PLXNA4: variants seen among roughly 807,000 people sequenced by gnomAD.
PLXNA4 encodes plexin-A4.
In PLXNA4, 44 loss-of-function variants were observed where a neutral mutation model predicts 191.8. That is an observed-to-expected ratio of 0.23 (90% CI 0.18 to 0.29). The LOEUF is 0.29. Ranked by LOEUF, PLXNA4 falls within the 10% of genes least tolerant of loss-of-function variation. The pLI is 1.00. For missense variants in PLXNA4, 1,800 were observed against 2,488.8 expected, an observed-to-expected ratio of 0.72 and a Z score of 5.89; for synonymous variants, 1,082 against 1,009.5, an observed-to-expected ratio of 1.07 and a Z score of -1.36.
rs1278323475 is a variant in PLXNA4, at chr7:132,561,558, T to TCTC, written c.-87+14861_-87+14863dup. ...TTCTCCTCCTCCTTCTCCTCCTCCTTCTCCTCCTCCTTTCCCCTCCTCCTC... is the reference window on the plus strand; with the variant it reads ...TTCTCCTCCTCCTTCTCCTCCTCCTTCTCCTCCTCCTCCTTTCCCCTCCTCCTC... On this transcript the variant is annotated intron_variant, in intron 1 of 31. Transcript: ENST00000321063. 5.9e-3 allele frequency among the ~76,000 whole-genome samples: 416 copies of TCTC among 70,538 alleles called. 6 individuals are homozygous for TCTC. The highest frequency in any genetic ancestry group is 0.019 in the Middle Eastern group (1 of 52). The allele number at this position is 70,538 out of a possible 152,430, so 46.3% of individuals were successfully genotyped here. A position where few individuals can be genotyped will look rare whatever the true frequency, so the allele number is the denominator to read the frequency against.
upstream of PLXNA4, chr7:132,576,589 G>T: frequency 1.0e-6 from 1 of 986,090 alleles, no homozygotes. This position sits in a 1 kb window ranked among gnomAD's most constrained non-coding sequence, Gnocchi z 5.8. Flanking sequence ...GCACAGGGAA[G>T]CCGGGAGCAG....
intron 14 of PLXNA4, among the ~76,000 whole-genome samples, chr7:132,191,734 T>C (rs183453977): frequency 6.7e-6 from 1 of 149,254 alleles, no homozygotes; most frequent in Non-Finnish European, 1.5e-5. Flanking sequence ...TTGCCCAATT[T>C]TAGCAAATAC....
At chr7:132,310,920 G>A (rs192764257) in intron 3 of PLXNA4, among the ~76,000 whole-genome samples, 2 of 152,330 alleles carry the variant, frequency 1.3e-5, no homozygotes, top group African/African-American at 4.8e-5. Flanking sequence ...TTCCCAGAAG[G>A]TGGAGGATGC....
At chr7:132,392,236 C>A (rs1221347915) in intron 3 of PLXNA4, among the ~76,000 whole-genome samples, 1 of 152,188 alleles carries the variant, frequency 6.6e-6, no homozygotes, top group Non-Finnish European at 1.5e-5. Context: ...AGGGCAGCAT[C>A]TATGTGCCAA....
At chr7:132,497,114 G>GCACT (rs1257499877) in intron 2 of PLXNA4, among the ~76,000 whole-genome samples, 2 of 72,986 alleles carry the variant, frequency 2.7e-5, no homozygotes, top group Non-Finnish European at 6.3e-5. Context: ...GCACACTTGT[G>GCACT]CACGCACGCA....
chr7:132,441,584 G>T (rs277492), intron 3 of PLXNA4, among the ~76,000 whole-genome samples: 135,697 of 152,312 alleles, frequency 0.89, 60,831 homozygotes, highest in East Asian at 1. Flanking sequence ...CATTTCCATG[G>T]GCTCATTGCA....
chr7:132,539,613 C>A (rs1799985818), intron 1 of PLXNA4, among the ~76,000 whole-genome samples: 1 of 152,180 alleles, frequency 6.6e-6, no homozygotes, highest in South Asian at 2.1e-4. Flanking sequence ...TAAGTCTTTC[C>A]ATCTGTAAGG....
Position 132,227,461 on chromosome 7 carries a change from G to A in PLXNA4, c.1872C>T (p.Ile624=). ...SPAAKEVPRI[I]TENGDHHVVQ... ...CTCCGGGATGCTCACCATTCTCTGTGATGATCCGGGGCACCTCCTTGGCTG... is the reference window on the plus strand; with the variant it reads ...CTCCGGGATGCTCACCATTCTCTGTAATGATCCGGGGCACCTCCTTGGCTG... The change falls in exon 7 of 32, where the codon ATC becomes ATT. Residue 624 remains isoleucine, a synonymous_variant. Coordinates refer to ENST00000321063, the MANE Select transcript of PLXNA4 (RefSeq NM_020911.2). 6.2e-7 allele frequency: 1 copy of A among 1,614,180 alleles called. No individual in the cohort carries two copies. The highest frequency in any genetic ancestry group is 1.3e-5 in the African/African-American group (1 of 75,042).
At chr7:132,220,373 C>G (rs887007481) in intron 9 of PLXNA4, among the ~76,000 whole-genome samples, 2 of 152,200 alleles carry the variant, frequency 1.3e-5, no homozygotes, top group African/African-American at 4.8e-5. Context: ...AGCCTCCAAA[C>G]CTAGACCAGA....
intron 1 of PLXNA4, among the ~76,000 whole-genome samples, chr7:132,538,571 T>C (rs983970822): frequency 6.6e-6 from 1 of 152,244 alleles, no homozygotes; most frequent in Non-Finnish European, 1.5e-5. Context: ...TTGAAATTTC[T>C]GAATCTCTCA....
intron 3 of PLXNA4, among the ~76,000 whole-genome samples, chr7:132,393,775 G>A (rs894295190): frequency 6.6e-6 from 1 of 152,152 alleles, no homozygotes; most frequent in Non-Finnish European, 1.5e-5. Flanking sequence ...GACATTTAGA[G>A]GCTTGAAGTT....
At chr7:132,361,106 G>A (rs775013268) in intron 3 of PLXNA4, among the ~76,000 whole-genome samples, 10 of 152,296 alleles carry the variant, frequency 6.6e-5, no homozygotes, top group East Asian at 3.9e-4. Flanking sequence ...TGTAATGAGC[G>A]CTAGGGGGTG....
intron 14 of PLXNA4, among the ~76,000 whole-genome samples, chr7:132,189,831 G>T (rs1797032607): frequency 6.6e-6 from 1 of 152,184 alleles, no homozygotes; most frequent in South Asian, 2.1e-4. Flanking sequence ...GAAACTCTGT[G>T]TGAGGGATGG....
At chr7:132,256,338 C>T (rs888582463) in intron 4 of PLXNA4, among the ~76,000 whole-genome samples, 4 of 152,180 alleles carry the variant, frequency 2.6e-5, no homozygotes, top group Admixed American at 2.0e-4. Flanking sequence ...AATTCATTTT[C>T]GAATGCTTTT....
chr7:132,434,027 A>G (rs552767245), intron 3 of PLXNA4, among the ~76,000 whole-genome samples: 52 of 152,304 alleles, frequency 3.4e-4, no homozygotes, highest in African/African-American at 1.2e-3. Flanking sequence ...TGCCATTACT[A>G]TGCAACTATT....
At position 132,125,527 on chromosome 7, in the gene PLXNA4, C is replaced by T. The variant is rs762572839; in HGVS notation, c.*4952G>A. The T allele has an allele frequency of 2.0e-5, 3 of 152,178 alleles. No individual in the cohort carries two copies. The highest frequency in any genetic ancestry group is 2.9e-5 in the Non-Finnish European group (2 of 68,040). 9.4% of individuals were successfully genotyped at this position (152,178 alleles called of 1,614,324 possible). A position where few individuals can be genotyped will look rare whatever the true frequency, so the allele number is the denominator to read the frequency against. ...TGGACTTAACATCCATAGCAGGGCT[C>T]CCTTCTTACTTTCGAACTATTAAGA... is the stretch of plus-strand genomic sequence containing the variant. On this transcript the variant is annotated 3_prime_UTR_variant, in exon 32 of 32. Transcript: ENST00000321063.
At chr7:132,577,761 G>A (rs765564719), upstream of PLXNA4, among the ~76,000 whole-genome samples, 1 of 152,178 alleles carries the variant, frequency 6.6e-6, no homozygotes, top group Non-Finnish European at 1.5e-5. Flanking sequence ...TCTGGGCGCT[G>A]GCCGTCGGAG....
intron 5 of PLXNA4, among the ~76,000 whole-genome samples, chr7:132,233,072 T>G (rs1798578003): frequency 6.6e-6 from 1 of 152,106 alleles, no homozygotes; most frequent in Non-Finnish European, 1.5e-5. Context: ...GCACCATCTG[T>G]GCTTAGAATT....
intron 3 of PLXNA4, among the ~76,000 whole-genome samples, chr7:132,474,458 G>A (rs1563120226): frequency 6.6e-6 from 1 of 152,076 alleles, no homozygotes; most frequent in South Asian, 2.1e-4. Flanking sequence ...AGCTGAGCCT[G>A]CCCCGCCCAT....
Sources: gnomAD v4.1 joint callset for allele counts (sites outside exome capture counted in the v4.1 genomes callset) on GRCh38, gnomAD v4.1.1 for gene constraint, Gnocchi (gnomAD v3.1) non-coding constraint, MANE v1.5 for transcripts, NCBI Gene and HGNC (gene_info 2026-07-23, HGNC 2026-07-21) for gene names.